NAV3: variants seen among roughly 807,000 people sequenced by gnomAD.
NAV3 encodes neuron navigator 3, also known as pore membrane and/or filament interacting like protein 1.
In NAV3, 87 loss-of-function variants were observed where a neutral mutation model predicts 244.7. The ratio of observed to expected loss-of-function variants is 0.36; its 90% CI spans 0.30 to 0.42. The LOEUF (loss-of-function observed/expected upper bound fraction) is 0.42. Ranked by LOEUF, NAV3 falls within the 20% of genes least tolerant of loss-of-function variation. The pLI is 1.00. For missense variants in NAV3, 2,663 were observed against 2,893.3 expected (o/e 0.92, Z 1.83); for synonymous variants, 1,126 against 1,042.2 (o/e 1.08, Z -1.55).
chr12:77,955,398 A>G (rs956011208), intron 3 of NAV3, among the ~76,000 whole-genome samples: 1 of 152,172 alleles, frequency 6.6e-6, no homozygotes, highest in Non-Finnish European at 1.5e-5. Flanking sequence ...TGTGGGGGTT[A>G]GGAACATGGG....
chr12:77,813,011 C>T (rs983437060), intron 2 of NAV3, among the ~76,000 whole-genome samples: 19 of 151,780 alleles, frequency 1.3e-4, no homozygotes, highest in Admixed American at 6.6e-4. Context: ...TTAGTAGACA[C>T]GGGGTTTTAC....
intron 1 of NAV3, among the ~76,000 whole-genome samples, chr12:77,891,629 T>C (rs1346275628): frequency 6.6e-6 from 1 of 152,166 alleles, no homozygotes; most frequent in East Asian, 1.9e-4. Context: ...CTTTAAAAAA[T>C]GTACTCGGTC....
At chr12:77,999,605 G>A (rs1443788620) in intron 7 of NAV3, among the ~76,000 whole-genome samples, 2 of 152,196 alleles carry the variant, frequency 1.3e-5, no homozygotes, top group Non-Finnish European at 2.9e-5. Context: ...GAGCAGAGCA[G>A]TGTGTGTTAA....
At chr12:78,031,663 C>G (rs1179911226) in intron 9 of NAV3, among the ~76,000 whole-genome samples, 2 of 143,192 alleles carry the variant, frequency 1.4e-5, no homozygotes, top group Non-Finnish European at 3.0e-5. Context: ...CATATTCTCA[C>G]TCATAGGTGG....
At chr12:77,932,424 C>T (rs1363622471) in intron 1 of NAV3, among the ~76,000 whole-genome samples, 6 of 152,110 alleles carry the variant, frequency 3.9e-5, no homozygotes, top group Admixed American at 2.0e-4. Flanking sequence ...CCTCTGCAGG[C>T]TTCTGTGGGT....
intron 9 of NAV3, among the ~76,000 whole-genome samples, chr12:78,040,820 T>A (rs11831543): frequency 6.6e-6 from 1 of 152,206 alleles, no homozygotes; most frequent in Non-Finnish European, 1.5e-5. Context: ...ATCTTTCATA[T>A]TGAATCTTAG....
chr12:78,181,142 G>T, intron 30 of NAV3, 97 bp downstream of exon 30: 1 of 1,093,782 alleles, frequency 9.1e-7, no homozygotes. Flanking sequence ...TCTTAAAAAT[G>T]TTACACTCTA....
chr12:77,714,360 T>C (rs1033061596), intron 2 of NAV3, among the ~76,000 whole-genome samples: 1 of 152,132 alleles, frequency 6.6e-6, no homozygotes, highest in Non-Finnish European at 1.5e-5. Context: ...TTGTTGTTTC[T>C]AGCTTGCTAA....
At chr12:77,991,996 A>G (rs532077942) in intron 5 of NAV3, among the ~76,000 whole-genome samples, 1 of 151,976 alleles carries the variant, frequency 6.6e-6, no homozygotes, top group African/African-American at 2.4e-5. Flanking sequence ...ACGCCACTGC[A>G]CTGGGTGACA....
At chr12:77,689,798 T>G (rs1874922531) in intron 2 of NAV3, among the ~76,000 whole-genome samples, 1 of 151,922 alleles carries the variant, frequency 6.6e-6, no homozygotes, top group African/African-American at 2.4e-5. Context: ...ACATTTTACA[T>G]AATGCATATA....
chr12:77,698,057 A>T (rs964280657), intron 2 of NAV3, among the ~76,000 whole-genome samples: 4 of 152,116 alleles, frequency 2.6e-5, no homozygotes, highest in African/African-American at 7.2e-5. Context: ...GGGATGACAA[A>T]ATAAACTGTC....
At chr12:78,069,024 G>A (rs535959383) in intron 12 of NAV3, among the ~76,000 whole-genome samples, 117 of 151,180 alleles carry the variant, frequency 7.7e-4, no homozygotes, top group Admixed American at 4.2e-3. Context: ...TTTCAATTTG[G>A]GATCATTAAA....
At chr12:77,789,964 C>T (rs1424110587) in intron 2 of NAV3, among the ~76,000 whole-genome samples, 5 of 151,940 alleles carry the variant, frequency 3.3e-5, no homozygotes, top group Non-Finnish European at 7.4e-5. Flanking sequence ...GGTTGGAAAA[C>T]CCTGGTCTAG....
intron 1 of NAV3, among the ~76,000 whole-genome samples, chr12:77,856,424 G>C (rs139564490): frequency 2.4e-3 from 359 of 152,100 alleles, no homozygotes; most frequent in African/African-American, 8.4e-3. Flanking sequence ...TTACACAGGA[G>C]GTCCACCCAA....
Position 77,931,477 on chromosome 12 carries a change from A to G in NAV3, c.244-8842A>G, listed in dbSNP as rs796344683. ...CTGTATTTTATTCTGGCTTCTTTTT[A>G]TCTGTCTATTTTGGTATCTCCATTT... On this transcript the variant is annotated intron_variant, in intron 1 of 39. Coordinates refer to ENST00000397909, the MANE Select transcript of NAV3 (RefSeq NM_001024383.2). Among the ~76,000 whole-genome samples, 3 of 152,088 alleles carry G rather than the reference A, an allele frequency of 2.0e-5. No homozygotes were observed. The East Asian group carries it at 5.8e-4, about 29-fold the overall frequency.
intron 16 of NAV3, among the ~76,000 whole-genome samples, chr12:78,122,878 G>A (rs1955735930): frequency 6.7e-6 from 1 of 148,576 alleles, no homozygotes; most frequent in South Asian, 2.1e-4. Flanking sequence ...AATAGCAGAT[G>A]GATTGCTGGG....
chr12:77,887,635 G>A (rs1565891243), intron 1 of NAV3, among the ~76,000 whole-genome samples: 1 of 152,142 alleles, frequency 6.6e-6, no homozygotes, highest in African/African-American at 2.4e-5. Flanking sequence ...TGTTGGATGA[G>A]TGGAGTTATT....
chr12:77,636,113 G>A (rs1397498567), intron 2 of NAV3, among the ~76,000 whole-genome samples: 1 of 152,116 alleles, frequency 6.6e-6, no homozygotes, highest in African/African-American at 2.4e-5. Flanking sequence ...TTAGAGAAAT[G>A]CAAATCAAAA....
intron 2 of NAV3, among the ~76,000 whole-genome samples, chr12:77,803,581 T>G: frequency 6.6e-6 from 1 of 152,198 alleles, no homozygotes; most frequent in East Asian, 1.9e-4. Context: ...AGTGCTGTAA[T>G]AAACATATGT....
Sources: allele counts gnomAD v4.1 joint callset (sites outside exome capture counted in the v4.1 genomes callset), GRCh38; gene constraint gnomAD v4.1.1; transcripts MANE v1.5; gene names NCBI Gene and HGNC (gene_info 2026-07-23, HGNC 2026-07-21).